The following LAMA2 variants were observed in gnomAD, a reference collection of about 807,000 sequenced individuals.
LAMA2 encodes laminin subunit alpha 2.
A neutral mutation model predicts 364.8 loss-of-function variants in LAMA2; 269 were observed. The ratio of observed to expected loss-of-function variants is 0.74; its 90% CI spans 0.67 to 0.82. The LOEUF (loss-of-function observed/expected upper bound fraction) is 0.82. LAMA2 is among the 40% of genes least tolerant of loss of function. LAMA2 has a pLI of 0.00. For synonymous variants in LAMA2, 1,379 were observed against 1,370.6 expected (o/e 1.01, Z -0.14); for missense variants, 3,807 against 3,873.2 (o/e 0.98, Z 0.45).
At chr6:129,289,898 A>G (rs1789574789) in intron 19 of LAMA2, among the ~76,000 whole-genome samples, 1 of 152,118 alleles carries the variant, frequency 6.6e-6, no homozygotes, top group Non-Finnish European at 1.5e-5. Context: ...TTTATTACTT[A>G]TTTTTATAAT....
chr6:129,179,349 T>C (rs188125363), intron 10 of LAMA2, among the ~76,000 whole-genome samples: 1 of 152,090 alleles, frequency 6.6e-6, no homozygotes, highest in African/African-American at 2.4e-5. Flanking sequence ...CTAGAATATA[T>C]AAAATCAAAC....
chr6:129,410,264 G>A (rs1304370917), intron 40 of LAMA2, among the ~76,000 whole-genome samples: 6 of 150,720 alleles, frequency 4.0e-5, no homozygotes, highest in African/African-American at 1.5e-4. Flanking sequence ...CAGTGGAATA[G>A]TCTAGTTTAA....
chr6:129,446,176 CA>C (rs550502537), intron 45 of LAMA2, among the ~76,000 whole-genome samples: 113 of 144,034 alleles, frequency 7.8e-4, no homozygotes, highest in South Asian at 3.1e-3. Context: ...AAAAACAAAC[CA>C]AAAAAAAAGG....
intron 22 of LAMA2, 51 bp from the exon 23 acceptor site, chr6:129,312,810 A>AT: frequency 5.6e-6 from 7 of 1,247,834 alleles, no homozygotes; most frequent in Non-Finnish European, 8.2e-6. Context: ...AAATTTTAAG[A>AT]TATTTCCCAT....
chr6:129,353,327 T>G lies in LAMA2; in HGVS notation c.4687T>G (p.Trp1563Gly). The change falls in exon 32 of 65, where the codon TGG becomes GGG. Residue 1563 changes from tryptophan (W) to glycine (G), a missense_variant. By Grantham distance (184) the Trp-to-Gly change is radical. This residue lies in a region of LAMA2 where 3,333 missense variants were observed against 3,345.7 expected (regional missense o/e 1.00). Coordinates refer to ENST00000421865, the MANE Select transcript of LAMA2 (RefSeq NM_000426.4). The stretch of plus-strand genomic sequence containing the variant: ...AAGGAAGTGTGACGGCTGCAAGCAC[T>G]GGCATGCACGCGAGGGCTGGGAGTG... Reference protein sequence around the residue: ...TGRKCDGCKHWHAREGWECVF... With the variant: ...TGRKCDGCKHGHAREGWECVF... The G allele has an allele frequency of 6.2e-7, 1 of 1,614,022 alleles. No individual in the cohort carries two copies. The highest frequency in any genetic ancestry group is 8.5e-7 in the Non-Finnish European group (1 of 1,179,966).
In LAMA2 at chr6:129,165,643, T is replaced by A; in HGVS notation, c.1274T>A (p.Val425Asp). Residue 425 changes from valine to aspartate, a missense_variant, in exon 9 of 65, where the codon GTC becomes GAC. Coordinates refer to ENST00000421865, the MANE Select transcript of LAMA2 (RefSeq NM_000426.4). The stretch of plus-strand genomic sequence containing the variant: ...GATCCAATTGGTTCCTTAAATGAAG[T>A]CTGTGTCAAGGATGAGAAACATGCT... ...HCDPIGSLNE[V>D]CVKDEKHARR... 1 of 1,613,036 alleles carries A rather than the reference T, an allele frequency of 6.2e-7. No individual in the cohort carries two copies. Among genetic ancestry groups the A allele is most frequent in the South Asian group, 1.1e-5 (1 of 90,982 alleles).
intron 45 of LAMA2, among the ~76,000 whole-genome samples, chr6:129,451,097 C>T (rs1583782324): frequency 6.6e-6 from 1 of 152,156 alleles, no homozygotes; most frequent in South Asian, 2.1e-4. Flanking sequence ...TTGGATGACC[C>T]TTGGTATAGC....
At chr6:129,516,022 ATCTT>A (rs34252072) in intron 64 of LAMA2, among the ~76,000 whole-genome samples, 164 bp from the exon 65 acceptor site, 1 of 151,770 alleles carries the variant, frequency 6.6e-6, no homozygotes, top group Non-Finnish European at 1.5e-5. Context: ...TTTTAAGTTG[ATCTT>A]TCTTTCTCTA....
intron 1 of LAMA2, among the ~76,000 whole-genome samples, chr6:128,930,370 C>T (rs995348613): frequency 6.6e-6 from 1 of 152,192 alleles, no homozygotes; most frequent in African/African-American, 2.4e-5. Flanking sequence ...AGTAGGATTA[C>T]ATTTGCTCAC....
At chr6:129,333,400 C>T (rs757740859) in intron 29 of LAMA2, among the ~76,000 whole-genome samples, 4 of 152,026 alleles carry the variant, frequency 2.6e-5, no homozygotes, top group East Asian at 1.9e-4. Flanking sequence ...TGTCATGTTA[C>T]GAAAACTGCT....
intron 3 of LAMA2, among the ~76,000 whole-genome samples, chr6:129,074,579 A>AT (rs2114824891): frequency 6.6e-6 from 1 of 152,232 alleles, no homozygotes; most frequent in Admixed American, 6.5e-5. Context: ...TTAGTATTTT[A>AT]TCCAGCTTTT....
intron 29 of LAMA2, among the ~76,000 whole-genome samples, chr6:129,334,470 A>G (rs1485515768): frequency 6.6e-6 from 1 of 152,232 alleles, no homozygotes; most frequent in Non-Finnish European, 1.5e-5. Flanking sequence ...AGCAATTATG[A>G]TAATGATGAT....
At chr6:129,362,071 C>T (rs1777497034) in intron 32 of LAMA2, among the ~76,000 whole-genome samples, 1 of 152,014 alleles carries the variant, frequency 6.6e-6, no homozygotes, top group Non-Finnish European at 1.5e-5. Context: ...AGGCCTGAGC[C>T]ACCACACCCA....
chr6:129,133,288 A>C (rs1399528732), intron 4 of LAMA2, among the ~76,000 whole-genome samples: 1 of 152,242 alleles, frequency 6.6e-6, no homozygotes, highest in Non-Finnish European at 1.5e-5. Context: ...AATTGAACAC[A>C]TGATTTTACT....
intron 40 of LAMA2, among the ~76,000 whole-genome samples, chr6:129,418,690 A>G (rs1205497208): frequency 6.6e-6 from 1 of 152,110 alleles, no homozygotes; most frequent in Non-Finnish European, 1.5e-5. Flanking sequence ...GAATTTGGGA[A>G]TTAGATGATC....
intron 16 of LAMA2, among the ~76,000 whole-genome samples, chr6:129,269,259 T>G (rs549778573): frequency 5.9e-5 from 9 of 152,184 alleles, no homozygotes; most frequent in African/African-American, 1.7e-4. Context: ...CATGCTTGCT[T>G]CTTCTCATAG....
intron 40 of LAMA2, among the ~76,000 whole-genome samples, chr6:129,423,620 TACA>T (rs758209480): frequency 6.2e-4 from 95 of 152,170 alleles, no homozygotes; most frequent in Admixed American, 1.4e-3. Context: ...TGTTATAAGG[TACA>T]ACATCTATAT....
At chr6:129,193,403 A>G (rs923637620) in intron 12 of LAMA2, among the ~76,000 whole-genome samples, 9 of 152,252 alleles carry the variant, frequency 5.9e-5, no homozygotes, top group Non-Finnish European at 1.3e-4. Context: ...TAAAAGTGCC[A>G]GATTGGAAGC....
chr6:129,252,320 A>C, intron 14 of LAMA2, 25 bp downstream of exon 14: 1 of 1,563,026 alleles, frequency 6.4e-7, no homozygotes, highest in Non-Finnish European at 8.8e-7. Flanking sequence ...TGCAGCTCCA[A>C]CGTTCACACA....
Sources: gnomAD v4.1 joint callset for allele counts (sites outside exome capture counted in the v4.1 genomes callset) on GRCh38, gnomAD v4.1.1 for gene constraint, gnomAD v4.1.1 regional missense constraint, MANE v1.5 for transcripts, NCBI Gene and HGNC (gene_info 2026-07-23, HGNC 2026-07-21) for gene names.